The following PSEN1 variants were observed in gnomAD, a reference collection of about 807,000 sequenced individuals.
PSEN1 encodes presenilin 1.
PSEN1 carries 15 observed loss-of-function variants against 53.5 expected under a neutral mutation model. The ratio of observed to expected loss-of-function variants is 0.28; its 90% CI spans 0.19 to 0.43. The LOEUF (loss-of-function observed/expected upper bound fraction) is 0.43, where lower values mean the gene tolerates loss of function less well. PSEN1 is among the 20% of genes least tolerant of loss of function. The probability of loss-of-function intolerance (pLI) is 1.00; values close to 1 mark genes in which losing one functional copy is unlikely to be tolerated. For synonymous variants in PSEN1, 208 were observed against 209.8 expected (o/e 0.99, Z 0.08); for missense variants, 387 against 571.2 (o/e 0.68, Z 3.29).
intron 1 of PSEN1, among the ~76,000 whole-genome samples, chr14:73,137,888 C>G (rs1896791284): frequency 2.0e-5 from 3 of 151,952 alleles, no homozygotes; most frequent in Non-Finnish European, 4.4e-5. Context: ...CGAGACCAGA[C>G]AACACGGCGA....
chr14:73,179,980 CATTTT>C (rs1898160552), intron 5 of PSEN1, among the ~76,000 whole-genome samples: 1 of 151,712 alleles, frequency 6.6e-6, no homozygotes, highest in Non-Finnish European at 1.5e-5. Flanking sequence ...ATCCATCCTT[CATTTT>C]ATTTTATTTT....
At chr14:73,147,186 A>C (rs978512673) in intron 1 of PSEN1, among the ~76,000 whole-genome samples, 2 of 151,940 alleles carry the variant, frequency 1.3e-5, no homozygotes, top group African/African-American at 4.8e-5. Context: ...GGGTTTCGCC[A>C]TGTTGGTCAG....
intron 8 of PSEN1, among the ~76,000 whole-genome samples, chr14:73,203,863 T>C (rs1899332388): frequency 6.6e-6 from 1 of 152,216 alleles, no homozygotes; most frequent in Non-Finnish European, 1.5e-5. Flanking sequence ...ATGTTAATTT[T>C]TAAATCTGCA....
chr14:73,197,115 A>G (rs1366741548), intron 7 of PSEN1, among the ~76,000 whole-genome samples: 1 of 151,736 alleles, frequency 6.6e-6, no homozygotes, highest in African/African-American at 2.4e-5. Context: ...TGTATTTTTT[A>G]GTAGAGACAG....
intron 8 of PSEN1, among the ~76,000 whole-genome samples, chr14:73,203,302 G>T (rs1017857632): frequency 2.6e-5 from 4 of 151,920 alleles, no homozygotes; most frequent in Non-Finnish European, 4.4e-5. Context: ...TGGCCAGGCT[G>T]GTCTCAAACT....
intron 11 of PSEN1, among the ~76,000 whole-genome samples, chr14:73,217,736 C>G (rs577975097): frequency 6.6e-6 from 1 of 151,964 alleles, no homozygotes; most frequent in Non-Finnish European, 1.5e-5. Context: ...CCATGCATGA[C>G]CCCACATAGA....
intron 5 of PSEN1, among the ~76,000 whole-genome samples, chr14:73,183,292 AT>A (rs34194809): frequency 0.44 from 65,171 of 148,070 alleles, 14,421 homozygotes; most frequent in East Asian, 0.64. Context: ...TAATTTTTGT[AT>A]TTTTTTTTTT....
At chr14:73,143,127 G>A (rs1410763147) in intron 1 of PSEN1, among the ~76,000 whole-genome samples, 1 of 152,222 alleles carries the variant, frequency 6.6e-6, no homozygotes, top group East Asian at 1.9e-4. Flanking sequence ...TGACCGCCAT[G>A]CAATCCTCAA....
chr14:73,168,609 G>A (rs1897791927), intron 3 of PSEN1: 1 of 152,282 alleles, frequency 6.6e-6, no homozygotes, highest in Non-Finnish European at 1.5e-5. Flanking sequence ...GAGATGGCCT[G>A]GCTTCAGGGA....
chr14:73,201,778 G>C (rs1015661967), intron 8 of PSEN1, among the ~76,000 whole-genome samples: 3 of 152,082 alleles, frequency 2.0e-5, no homozygotes, highest in Non-Finnish European at 4.4e-5. Context: ...ACAGAGTCTT[G>C]CTCTGTTGCT....
rs1898771588 is a variant in PSEN1, at chr14:73,192,691, C to T, written c.596C>T (p.Ala199Val). The T allele has an allele frequency of 6.2e-7, 1 of 1,614,016 alleles. No homozygotes were observed. Among genetic ancestry groups the T allele is most frequent in the South Asian group, 1.1e-5 (1 of 91,074 alleles). The change falls in exon 7 of 12, where the codon GCA (alanine) becomes GTA (valine). Residue 199 changes from alanine (A) to valine (V), a missense_variant. Ala to Val is a moderately conservative substitution (Grantham distance 64). Transcript: ENST00000324501. The part of the protein sequence containing the change: ...YNVAVDYITV[A>V]LLIWNFGVVG... ...GTTGCTGTGGACTACATTACTGTTG[C>T]ACTCCTGATCTGGAATTTTGGTGTG...
At chr14:73,155,738 T>G (rs1897335759) in intron 3 of PSEN1, among the ~76,000 whole-genome samples, 1 of 151,874 alleles carries the variant, frequency 6.6e-6, no homozygotes, top group Non-Finnish European at 1.5e-5. Flanking sequence ...AGGCCGGTCT[T>G]GAACTCCTGG....
chr14:73,205,721 C>T (rs938235353), intron 8 of PSEN1, among the ~76,000 whole-genome samples: 1 of 152,088 alleles, frequency 6.6e-6, no homozygotes, highest in Non-Finnish European at 1.5e-5. Flanking sequence ...ATTTTTCATT[C>T]CTGCCTGAAA....
At position 73,219,273 on chromosome 14, in the gene PSEN1, A is replaced by G. The variant is rs780119074; in HGVS notation, c.1388A>G (p.His463Arg). Residue 463 changes from histidine to arginine, a missense_variant, in exon 12 of 12, where the codon CAT (histidine) becomes CGT (arginine). Coordinates refer to ENST00000324501, the MANE Select transcript of PSEN1 (RefSeq NM_000021.4). ...VQPFMDQLAFHQFYI is the reference protein window; with the variant it reads ...VQPFMDQLAFRQFYI The stretch of plus-strand genomic sequence containing the variant: ...CCTTTTATGGACCAATTAGCATTCC[A>G]TCAATTTTATATCTAGCATATTTGC... The G allele has an allele frequency of 4.3e-6, 7 of 1,613,488 alleles. No individual in the cohort carries two copies. The African/African-American group carries it at 9.3e-5, about 22-fold the overall frequency.
At position 73,220,963 on chromosome 14, in the gene PSEN1, G is replaced by T. The variant is rs1474711400; in HGVS notation, c.*1674G>T. ...AGTTTCCTCCTGTGGCTGAGGAGGG[G>T]CCAGCTTTTTCTTCTTTTGCCTGCT... On this transcript the variant is annotated 3_prime_UTR_variant, in exon 12 of 12. Coordinates refer to ENST00000324501, the MANE Select transcript of PSEN1 (RefSeq NM_000021.4). 6.6e-6 allele frequency: 1 copy of T among 152,234 alleles called. No homozygotes were observed. The highest frequency in any genetic ancestry group is 2.4e-5 in the African/African-American group (1 of 41,408). 9.4% of individuals were successfully genotyped at this position (152,234 alleles called of 1,614,324 possible). A position where few individuals can be genotyped will look rare whatever the true frequency, so the allele number is the denominator to read the frequency against.
chr14:73,163,489 A>G (rs1383248953), intron 3 of PSEN1, among the ~76,000 whole-genome samples: 1 of 152,246 alleles, frequency 6.6e-6, no homozygotes, highest in East Asian at 1.9e-4. Flanking sequence ...TTTATAGAGT[A>G]CAGGAGACAC....
Position 73,154,677 on chromosome 14 carries a change from A to G in PSEN1, c.87+6571A>G, listed in dbSNP as rs147183622. On this transcript the variant is annotated intron_variant, in intron 3 of 11. Transcript: ENST00000324501. ...AAACTAGGACAAAGGCTTGAAATATATGACAGATATATCCCAATATACATA... is the reference window on the plus strand; with the variant it reads ...AAACTAGGACAAAGGCTTGAAATATGTGACAGATATATCCCAATATACATA... Among the ~76,000 whole-genome samples, 42 of 152,338 alleles carry G rather than the reference A, an allele frequency of 2.8e-4. No homozygotes were observed. In the South Asian group the frequency reaches 3.7e-3, roughly 14 times the overall value.
At chr14:73,184,626 C>T (rs1366010687) in intron 5 of PSEN1, among the ~76,000 whole-genome samples, 3 of 109,296 alleles carry the variant, frequency 2.7e-5, no homozygotes, top group Non-Finnish European at 5.8e-5. Flanking sequence ...CCGGACGGGG[C>T]GGCTGGCCGG....
intron 1 of PSEN1, among the ~76,000 whole-genome samples, chr14:73,144,738 C>T (rs919837400): frequency 6.6e-5 from 10 of 152,090 alleles, no homozygotes; most frequent in Non-Finnish European, 1.3e-4. Context: ...TAGACAGTGT[C>T]TTTCTTGTTT....
Sources: gnomAD v4.1 joint callset for allele counts (sites outside exome capture counted in the v4.1 genomes callset) on GRCh38, gnomAD v4.1.1 for gene constraint, MANE v1.5 for transcripts, NCBI Gene and HGNC (gene_info 2026-07-23, HGNC 2026-07-21) for gene names.